MGST2: variants seen among roughly 807,000 people sequenced by gnomAD.
MGST2 encodes the protein glutathione peroxidase MGST2.
A neutral mutation model predicts 16.6 loss-of-function variants in MGST2; 9 were observed. The observed-to-expected ratio is 0.54, with a 90% CI of 0.33 to 0.95. The LOEUF is 0.95. MGST2 is among the 40% of genes least tolerant of loss of function. The pLI is 0.03. For missense variants in MGST2, 159 were observed against 175.1 expected (o/e 0.91, Z 0.52); for synonymous variants, 79 against 68.0 (o/e 1.16, Z -0.79).
chr4:139,668,673 G>GTTTA (rs1291373869), intron 1 of MGST2, among the ~76,000 whole-genome samples: 2 of 151,646 alleles, frequency 1.3e-5, no homozygotes, highest in African/African-American at 4.9e-5. Context: ...AACAACACAG[G>GTTTA]TTTATTACAA....
chr4:139,690,673 C>T (rs1431218073), intron 2 of MGST2, among the ~76,000 whole-genome samples: 3 of 152,122 alleles, frequency 2.0e-5, no homozygotes, highest in Admixed American at 6.5e-5. Flanking sequence ...TAGAGCTATG[C>T]AATCAGAAAA....
chr4:139,721,598 A>C (rs1728236854), intron 5 of MGST2, among the ~76,000 whole-genome samples: 1 of 152,148 alleles, frequency 6.6e-6, no homozygotes, highest in Non-Finnish European at 1.5e-5. Context: ...TGGGCTGCAA[A>C]TATGTCTCCA....
chr4:139,720,457 A>G, intron 5 of MGST2: 1 of 808,654 alleles, frequency 1.2e-6, no homozygotes. Flanking sequence ...TAAATCTGTA[A>G]CAAAAATGAT....
chr4:139,701,669 A>G (rs903314586), intron 3 of MGST2, among the ~76,000 whole-genome samples: 1 of 152,094 alleles, frequency 6.6e-6, no homozygotes, highest in South Asian at 2.1e-4. Flanking sequence ...TACCTGGTTT[A>G]TGGTAGATAC....
At chr4:139,720,192 C>T (rs775691883) in intron 5 of MGST2, 7 of 1,613,844 alleles carry the variant, frequency 4.3e-6, no homozygotes, top group South Asian at 2.2e-5. Context: ...TGCGCAGCTG[C>T]GGTGGCCATC....
At chr4:139,682,034 AAAAAAATT>A (rs1342845426) in intron 2 of MGST2, among the ~76,000 whole-genome samples, 1 of 151,992 alleles carries the variant, frequency 6.6e-6, no homozygotes, top group Non-Finnish European at 1.5e-5. Context: ...TCTCTATTAA[AAAAAAATT>A]AAAAAATTAG....
intron 5 of MGST2, chr4:139,730,372 T>C: frequency 6.5e-7 from 1 of 1,527,318 alleles, no homozygotes; most frequent in Non-Finnish European, 8.8e-7. Context: ...GCTGAATAAG[T>C]GCTTGCTGAA....
intron 5 of MGST2, among the ~76,000 whole-genome samples, chr4:139,725,997 G>A (rs1728458643): frequency 6.6e-6 from 1 of 152,168 alleles, no homozygotes; most frequent in Admixed American, 6.5e-5. Flanking sequence ...TAAGGATAGA[G>A]TCAGGTAGGT....
chr4:139,719,523 C>T, intron 5 of MGST2: 1 of 1,613,942 alleles, frequency 6.2e-7, no homozygotes, highest in Non-Finnish European at 8.5e-7. Flanking sequence ...GCAAAGCTGC[C>T]ACTGGGTATC....
At chr4:139,699,351 T>C (rs950059435) in intron 3 of MGST2, among the ~76,000 whole-genome samples, 1 of 152,256 alleles carries the variant, frequency 6.6e-6, no homozygotes, top group Admixed American at 6.5e-5. Flanking sequence ...CTTTGATAAA[T>C]TTTAACTTTG....
At chr4:139,716,139 AG>A (rs1451725686) in intron 5 of MGST2, among the ~76,000 whole-genome samples, 1 of 152,056 alleles carries the variant, frequency 6.6e-6, no homozygotes, top group Non-Finnish European at 1.5e-5. Flanking sequence ...ATTATATCTG[AG>A]TTTGTTCAGA....
chr4:139,697,427 G>A (rs1208355253), intron 3 of MGST2, among the ~76,000 whole-genome samples: 2 of 152,068 alleles, frequency 1.3e-5, no homozygotes, highest in Middle Eastern at 3.4e-3. Context: ...CTTCTTGGTT[G>A]GTAGAAGCTG....
intron 5 of MGST2, among the ~76,000 whole-genome samples, chr4:139,711,548 G>A (rs1345894088): frequency 2.0e-5 from 3 of 152,088 alleles, no homozygotes; most frequent in African/African-American, 7.2e-5. Context: ...AAACTCTCAT[G>A]GCACTGGTGG....
intron 1 of MGST2, among the ~76,000 whole-genome samples, chr4:139,669,745 G>A (rs1730570138): frequency 6.6e-6 from 1 of 152,218 alleles, no homozygotes; most frequent in Admixed American, 6.6e-5. Flanking sequence ...CAGGAGAAAG[G>A]CTGTGACAAT....
intron 5 of MGST2, among the ~76,000 whole-genome samples, chr4:139,725,187 C>T (rs1560770082): frequency 6.6e-6 from 1 of 152,198 alleles, no homozygotes. Context: ...TTCCCGCAAA[C>T]GGCTACAGGA....
the MGST2 span, among the ~76,000 whole-genome samples, chr4:139,746,721 C>A: frequency 6.6e-6 from 1 of 152,198 alleles, no homozygotes; most frequent in Non-Finnish European, 1.5e-5. Context: ...TCACCTCCCC[C>A]CTTCTCCTCC....
At chr4:139,687,042 A>T (rs1402035586) in intron 2 of MGST2, among the ~76,000 whole-genome samples, 1 of 152,208 alleles carries the variant, frequency 6.6e-6, no homozygotes, top group African/African-American at 2.4e-5. Flanking sequence ...AATAAAACTG[A>T]ACACCATTTC....
intron 4 of MGST2, 38 bp downstream of exon 4, chr4:139,703,574 G>A: frequency 6.3e-7 from 1 of 1,578,088 alleles, no homozygotes; most frequent in Non-Finnish European, 8.7e-7. Flanking sequence ...TATGCAAAAA[G>A]TAGCAGGATA....
At chr4:139,666,377 CAGCCCGTTCAAACGAGCGTTAGT>C (rs1384254907) in intron 1 of MGST2, among the ~76,000 whole-genome samples, 2 of 152,136 alleles carry the variant, frequency 1.3e-5, no homozygotes, top group Non-Finnish European at 2.9e-5. Flanking sequence ...TTACGACCCA[CAGCCCGTTCAAACGAGCGTTAGT>C]AGCCTGCTAA....
Sources: gnomAD v4.1 joint callset for allele counts (sites outside exome capture counted in the v4.1 genomes callset) on GRCh38, gnomAD v4.1.1 for gene constraint, MANE v1.5 for transcripts, NCBI Gene and HGNC (gene_info 2026-07-23, HGNC 2026-07-21) for gene names.